Variants in COL16A1 observed in about 807,000 individuals in gnomAD.
COL16A1 encodes the protein collagen type XVI alpha 1 chain.
A neutral mutation model predicts 266.3 loss-of-function variants in COL16A1; 189 were observed. The ratio of observed to expected loss-of-function variants is 0.71; its 90% CI spans 0.63 to 0.80. The LOEUF (loss-of-function observed/expected upper bound fraction) is 0.80. Among genes scored for constraint, COL16A1 ranks in the 30% least tolerant of loss-of-function variants. The pLI is 0.00. For missense variants in COL16A1, 1,928 were observed against 2,122.4 expected (o/e 0.91, Z 1.80); for synonymous variants, 740 against 782.3 (o/e 0.95, Z 0.90).
At chr1:31,700,547 C>A (rs995930994) in intron 2 of COL16A1, among the ~76,000 whole-genome samples, 1 of 152,330 alleles carries the variant, frequency 6.6e-6, no homozygotes, top group African/African-American at 2.4e-5. Context: ...GGCAGAGGAG[C>A]TCTTCAGGGG....
chr1:31,685,886 G>A lies in COL16A1; in HGVS notation c.1885-116C>T, dbSNP rs1007240476. 1.3e-6 allele frequency: 2 copies of A among 1,531,196 alleles called. No homozygotes were observed. Among genetic ancestry groups the A allele is most frequent in the African/African-American group, 2.8e-5 (2 of 72,668 alleles). 94.9% of individuals were successfully genotyped at this position (1,531,196 alleles called of 1,614,324 possible). A position where few individuals can be genotyped will look rare whatever the true frequency, so the allele number is the denominator to read the frequency against. ...GTCTGACACTGCACCTCTGCTGGGT[G>A]AGGGGTTATCTTGGGAAAGATGAAG... is the stretch of plus-strand genomic sequence containing the variant. On this transcript the variant is annotated intron_variant, in intron 28 of 70. Coordinates refer to ENST00000373672, the MANE Select transcript of COL16A1 (RefSeq NM_001856.4). This position sits in a 1 kb window ranked among gnomAD's most constrained non-coding sequence, Gnocchi z 4.0.
At chr1:31,658,350 C>G (rs1188357462) in intron 64 of COL16A1, 138 bp downstream of exon 64, 2 of 770,610 alleles carry the variant, frequency 2.6e-6, no homozygotes, top group Non-Finnish European at 4.3e-6. Flanking sequence ...TCCTCAGGCC[C>G]GAACGCCACG....
chr1:31,699,008 T>C (rs184566469), intron 4 of COL16A1, among the ~76,000 whole-genome samples: 8 of 152,126 alleles, frequency 5.3e-5, no homozygotes, highest in African/African-American at 1.9e-4. Flanking sequence ...GGCAGGAGAA[T>C]TGCTTGAACC....
chr1:31,695,895 G>A, intron 9 of COL16A1, 108 bp from the exon 10 acceptor site: 1 of 1,074,726 alleles, frequency 9.3e-7, no homozygotes, highest in African/African-American at 1.5e-5. Flanking sequence ...TCTAGAGAGT[G>A]CCAGGCACTG....
rs1408703132 is a variant in COL16A1, at chr1:31,682,948, C to T, written c.2524G>A (p.Val842Ile). The T allele has an allele frequency of 3.1e-6, 5 of 1,614,084 alleles. No individual in the cohort carries two copies. Among genetic ancestry groups the T allele is most frequent in the South Asian group, 2.2e-5 (2 of 91,080 alleles). Residue 842 changes from valine to isoleucine, a missense_variant, in exon 37 of 71, where the codon GTC becomes ATC. Physicochemically the swap from Val to Ile is conservative, Grantham distance 29 (BLOSUM62 3). This residue lies in a region of COL16A1 where 1,552 missense variants were observed against 1,637.2 expected (regional missense o/e 0.95). Transcript: ENST00000373672. ...AGAAGACTTACCGGAGGCCCAGAGA[C>T]ACTGGCCCCAGGAGGTCCCACAGGT... The part of the protein sequence containing the change: ...TGPVGPPGAS[V>I]SGPPGRDGQQ...
intron 2 of COL16A1, chr1:31,701,550 C>G: frequency 1.0e-6 from 1 of 985,390 alleles, no homozygotes; most frequent in Non-Finnish European, 1.2e-6. Context: ...CTTCCCCTGG[C>G]TTTGGGCCCT....
rs778953251 is a variant in COL16A1 at position 31,656,495 on chromosome 1, TC to T, written c.4057-52del. ...GAAGTCCGGGCAGCATCTCTGAGGC[TC>T]CCTGGGGAGGCAGGTGCAGTGAAGA... On this transcript the variant is annotated intron_variant, in intron 65 of 70. Coordinates refer to ENST00000373672, the MANE Select transcript of COL16A1 (RefSeq NM_001856.4). This position sits in a 1 kb window ranked among gnomAD's most constrained non-coding sequence, Gnocchi z 4.2. 3.7e-6 allele frequency: 6 copies of T among 1,600,948 alleles called. No individual in the cohort carries two copies. The highest frequency in any genetic ancestry group is 5.1e-6 in the Non-Finnish European group (6 of 1,174,038).
At chr1:31,695,333 G>T in intron 10 of COL16A1, 112 bp from the exon 11 acceptor site, 1 of 1,032,812 alleles carries the variant, frequency 9.7e-7, no homozygotes, top group Non-Finnish European at 1.5e-6. Context: ...AGTGGAATCT[G>T]AGGGGAGCCT....
rs1643077284 is a variant in COL16A1, at chr1:31,675,163, AC to A, written c.2826+94del. 14 of 1,609,976 alleles carry A rather than the reference AC, an allele frequency of 8.7e-6. No individual in the cohort carries two copies. In the Admixed American group the frequency reaches 2.0e-4, roughly 23 times the overall value. ...GCCTCAGAAGTGGGAGAGAAGAGGG[AC>A]CCCCACTGCAGCTACCGGGCCAGCT... On this transcript the variant is annotated intron_variant, in intron 43 of 70. Coordinates refer to ENST00000373672, the MANE Select transcript of COL16A1 (RefSeq NM_001856.4).
In COL16A1 at chr1:31,670,407, G is replaced by A. The variant is rs565950491; in HGVS notation, c.3195+195C>T. The A allele has an allele frequency of 2.4e-3, 1,294 of 544,978 alleles. 1 individual carries two copies. Among genetic ancestry groups the A allele is most frequent in the Non-Finnish European group, 3.4e-3 (1,138 of 335,574 alleles). The allele number at this position is 544,978 out of a possible 1,614,324, so 33.8% of individuals were successfully genotyped here. ...CAGGAGAGGAGGGAGAGGAGAAAAC[G>A]GAAAGGAGTCAGAGACTGGGAGGAT... On this transcript the variant is annotated intron_variant, in intron 49 of 70. Coordinates refer to ENST00000373672, the MANE Select transcript of COL16A1 (RefSeq NM_001856.4). The surrounding 1 kb of genome is among the most constrained non-coding windows in gnomAD (Gnocchi z 4.5).
At position 31,694,128 on chromosome 1, in the gene COL16A1, C is replaced by T. The variant is rs766850822; in HGVS notation, c.1008+16G>A. 1 of 1,600,512 alleles carries T rather than the reference C, an allele frequency of 6.2e-7. No individual in the cohort carries two copies. The highest frequency in any genetic ancestry group is 1.1e-5 in the South Asian group (1 of 88,110). ...CTAAAGAGGACGGGAATGTCCCGTT[C>T]TCCATTAGGACTCACCTTGGGGCCA... On this transcript the variant is annotated intron_variant, in intron 12 of 70. Transcript: ENST00000373672.
rs1197657277 is a variant in COL16A1, at chr1:31,662,677, C to A, written c.3556-19G>T. ...CGCTGCCCTGGAAACCAGCGCCGCC[C>A]CCCCCCCCCGCCCCACAATAAAGTC... On this transcript the variant is annotated intron_variant, in intron 56 of 70. Transcript: ENST00000373672. 70 of 1,121,090 alleles carry A rather than the reference C, an allele frequency of 6.2e-5. No individual in the cohort carries two copies. Among genetic ancestry groups the A allele is most frequent in the Non-Finnish European group, 8.4e-5 (66 of 788,690 alleles). 69.4% of individuals were successfully genotyped at this position (1,121,090 alleles called of 1,614,324 possible).
At chr1:31,667,198 C>T (rs968702538) in intron 52 of COL16A1, among the ~76,000 whole-genome samples, 1 of 152,248 alleles carries the variant, frequency 6.6e-6, no homozygotes, top group African/African-American at 2.4e-5. Context: ...TCAGCTTTGT[C>T]ACTCTGGGGG....
At position 31,691,659 on chromosome 1, in the gene COL16A1, G is replaced by C. The variant is rs1358212594; in HGVS notation, c.1258-17C>G. 6.2e-7 allele frequency: 1 copy of C among 1,612,254 alleles called. No homozygotes were observed. The highest frequency in any genetic ancestry group is 1.1e-5 in the South Asian group (1 of 90,828). On this transcript the variant is annotated splice_polypyrimidine_tract_variant and intron_variant, in intron 17 of 70. Coordinates refer to ENST00000373672, the MANE Select transcript of COL16A1 (RefSeq NM_001856.4). ...TGGCCGGCCCTGTGGGGGGATAAGG[G>C]GGAGGGTGTACAAACAGCCCTGAGG...
Position 31,666,244 on chromosome 1 carries a change from G to A in COL16A1, c.3358-163C>T, listed in dbSNP as rs1642134773. 3 of 751,320 alleles carry A rather than the reference G, an allele frequency of 4.0e-6. No individual in the cohort carries two copies. In the African/African-American group the frequency reaches 5.3e-5, roughly 13 times the overall value. 46.5% of individuals were successfully genotyped at this position (751,320 alleles called of 1,614,324 possible). A position where few individuals can be genotyped will look rare whatever the true frequency, so the allele number is the denominator to read the frequency against. On this transcript the variant is annotated intron_variant, in intron 52 of 70. Transcript: ENST00000373672. ...GATCTGCTCAGGCTTCCCTGCTCTTGCCCGAGCTACTGAACCAGCCTCCTA... is the reference window on the plus strand; with the variant it reads ...GATCTGCTCAGGCTTCCCTGCTCTTACCCGAGCTACTGAACCAGCCTCCTA...
intron 56 of COL16A1, 123 bp downstream of exon 56, chr1:31,665,049 C>G (rs1642008291): frequency 7.0e-7 from 1 of 1,437,318 alleles, no homozygotes. Flanking sequence ...GCCTCTTTTC[C>G]CAGCCTCAGT....
chr1:31,664,733 G>C lies in COL16A1; in HGVS notation c.3555+439C>G, dbSNP rs1274360144. On this transcript the variant is annotated intron_variant, in intron 56 of 70. Coordinates refer to ENST00000373672, the MANE Select transcript of COL16A1 (RefSeq NM_001856.4). This position sits in a 1 kb window ranked among gnomAD's most constrained non-coding sequence, Gnocchi z 5.5. ...GGACAACTGGAGCACGGCTACCCAG[G>C]AGGAGCCCATTCCCCTTCCACGTTG... is the stretch of plus-strand genomic sequence containing the variant. Among the ~76,000 whole-genome samples the C allele has an allele frequency of 6.6e-6, 1 of 152,164 alleles. No individual in the cohort carries two copies. Among genetic ancestry groups the C allele is most frequent in the Non-Finnish European group, 1.5e-5 (1 of 68,016 alleles).
At chr1:31,653,493 G>C in intron 70 of COL16A1, 106 bp downstream of exon 70, 1 of 1,321,960 alleles carries the variant, frequency 7.6e-7, no homozygotes, top group Non-Finnish European at 1.0e-6. Flanking sequence ...TGGTTGACTG[G>C]CCTGTCGTTA....
intron 42 of COL16A1, chr1:31,679,317 G>A (rs1339273923): frequency 1.7e-6 from 2 of 1,209,130 alleles, no homozygotes; most frequent in East Asian, 2.6e-5. Context: ...GCATGAATGA[G>A]TGTTGAATGC....
Sources: allele counts gnomAD v4.1 joint callset (sites outside exome capture counted in the v4.1 genomes callset), GRCh38; gene constraint gnomAD v4.1.1; regional missense constraint gnomAD v4.1.1; non-coding constraint Gnocchi (gnomAD v3.1); transcripts MANE v1.5; gene names NCBI Gene and HGNC (gene_info 2026-07-23, HGNC 2026-07-21).